Variants in FH observed in about 807,000 individuals in gnomAD.
FH encodes fumarate hydratase, also known as fumarate hydratase, mitochondrial.
In FH, 22 loss-of-function variants were observed where a neutral mutation model predicts 49.4. The ratio of observed to expected loss-of-function variants is 0.45; its 90% CI spans 0.32 to 0.64. FH has a LOEUF of 0.64. FH is among the 30% of genes least tolerant of loss of function. The pLI is 0.05. For synonymous variants in FH, 208 were observed against 223.0 expected, an observed-to-expected ratio of 0.93 and a Z score of 0.60; for missense variants, 526 against 641.5, an observed-to-expected ratio of 0.82 and a Z score of 1.95.
intron 2 of FH, among the ~76,000 whole-genome samples, 184 bp downstream of exon 2, chr1:241,516,998 T>C (rs948043952): frequency 6.6e-6 from 1 of 152,160 alleles, no homozygotes; most frequent in Non-Finnish European, 1.5e-5. Flanking sequence ...CTCAAAATAA[T>C]AGCATGCTAA....
chr1:241,507,183 AT>A (rs1004486427), intron 5 of FH, among the ~76,000 whole-genome samples: 3 of 152,154 alleles, frequency 2.0e-5, no homozygotes, highest in African/African-American at 7.2e-5. Flanking sequence ...ACATTTAGAT[AT>A]GTTTAGATAC....
rs370323811 is a variant in FH at position 241,519,232 on chromosome 1, G to T, written c.132+359C>A. The T allele has an allele frequency of 2.2e-4, 57 of 256,828 alleles. No homozygotes were observed. In the East Asian group the frequency reaches 6.9e-3, roughly 31 times the overall value. The allele number at this position is 256,828 out of a possible 1,614,324, so 15.9% of individuals were successfully genotyped here. A position where few individuals can be genotyped will look rare whatever the true frequency, so the allele number is the denominator to read the frequency against. ...CGCCCACGCCGGCACTGTCCTTGAG[G>T]GCAGCGCCCCGGGGCTGGGGGCCTG... is the stretch of plus-strand genomic sequence containing the variant. On this transcript the variant is annotated intron_variant, in intron 1 of 9. Transcript: ENST00000366560.
At chr1:241,503,007 T>G (rs1444527487) in intron 7 of FH, among the ~76,000 whole-genome samples, 1 of 152,188 alleles carries the variant, frequency 6.6e-6, no homozygotes, top group Admixed American at 6.5e-5. Flanking sequence ...ATGGGAGGCT[T>G]CCTAGGGGAA....
At chr1:241,504,697 C>A (rs1006313381) in intron 6 of FH, among the ~76,000 whole-genome samples, 14 of 152,050 alleles carry the variant, frequency 9.2e-5, no homozygotes, top group African/African-American at 3.1e-4. Context: ...CCACCTTGGT[C>A]TCCTGAAGTG....
intron 6 of FH, 27 bp downstream of exon 6, chr1:241,505,976 T>C (rs779717143): frequency 1.2e-6 from 2 of 1,607,560 alleles, no homozygotes; most frequent in Non-Finnish European, 8.5e-7. Context: ...GAAATGAAAA[T>C]GAGAAATAAT....
At chr1:241,498,035 G>A in intron 9 of FH, 65 bp from the exon 10 acceptor site, 1 of 1,539,788 alleles carries the variant, frequency 6.5e-7, no homozygotes, top group African/African-American at 1.4e-5. Flanking sequence ...AAAGCAAAAG[G>A]TGACATAATT....
At chr1:241,505,548 G>T (rs928643201) in intron 6 of FH, among the ~76,000 whole-genome samples, 1 of 151,980 alleles carries the variant, frequency 6.6e-6, no homozygotes, top group Non-Finnish European at 1.5e-5. Context: ...ATTATCTAAA[G>T]TATAATACTC....
intron 9 of FH, among the ~76,000 whole-genome samples, 156 bp from the exon 10 acceptor site, chr1:241,498,126 AATC>A (rs887741385): frequency 1.2e-4 from 18 of 152,178 alleles, no homozygotes; most frequent in African/African-American, 4.1e-4. Context: ...TTATCTCAAT[AATC>A]ATTTTTTATG....
chr1:241,500,665 G>A, intron 8 of FH, 75 bp from the exon 9 acceptor site: 1 of 1,571,880 alleles, frequency 6.4e-7, no homozygotes, highest in East Asian at 2.3e-5. Context: ...CATGTTTTTT[G>A]TCCAATAACA....
At chr1:241,502,318 A>C in intron 8 of FH, 125 bp downstream of exon 8, 1 of 1,031,160 alleles carries the variant, frequency 9.7e-7, no homozygotes, top group South Asian at 1.4e-5. Flanking sequence ...TAAATGCTTG[A>C]CTTCCAACTG....
intron 4 of FH, among the ~76,000 whole-genome samples, chr1:241,509,767 C>T (rs1289620822): frequency 6.9e-6 from 1 of 144,314 alleles, no homozygotes. Context: ...CAGAGTGAAG[C>T]ACAATCTCTA....
chr1:241,503,437 T>A (rs1292203984), intron 7 of FH, among the ~76,000 whole-genome samples: 1 of 152,222 alleles, frequency 6.6e-6, no homozygotes, highest in African/African-American at 2.4e-5. Context: ...CTATCCCAAC[T>A]TTGTTAACTG....
rs200965107 is a variant in FH, at chr1:241,506,142, T to C, written c.765A>G (p.Val255=). Residue 255 remains valine (V), a synonymous_variant, in exon 6 of 10, where the codon GTA becomes GTG. Coordinates refer to ENST00000366560, the MANE Select transcript of FH (RefSeq NM_000143.4). Reference sequence around the variant, plus strand: ...CTTTTATTCTTGTCATTGCATATTTTACTTGTTGAACATAACCACTAAATT... The same window carrying C: ...CTTTTATTCTTGTCATTGCATATTTCACTTGTTGAACATAACCACTAAATT... ...GQEFSGYVQQ[V]KYAMTRIKAA... is the part of the protein sequence containing the mutation. 7 of 1,613,878 alleles carry C rather than the reference T, an allele frequency of 4.3e-6. No individual in the cohort carries two copies. In the Middle Eastern group the frequency reaches 8.2e-4, roughly 190 times the overall value.
intron 2 of FH, among the ~76,000 whole-genome samples, chr1:241,514,373 C>A (rs138093801): frequency 6.6e-6 from 1 of 152,174 alleles, no homozygotes; most frequent in African/African-American, 2.4e-5. Context: ...TGACAGCTTC[C>A]GATATATATA....
At chr1:241,511,846 G>A (rs1660091645) in intron 4 of FH, 121 bp downstream of exon 4, 2 of 933,346 alleles carry the variant, frequency 2.1e-6, no homozygotes, top group Admixed American at 3.7e-5. Flanking sequence ...AGAACCATAA[G>A]AAGCCTTATC....
Position 241,508,645 on chromosome 1 carries a change from T to C in FH, c.696A>G (p.Gly232=). 6.2e-7 allele frequency: 1 copy of C among 1,613,954 alleles called. No homozygotes were observed. Among genetic ancestry groups the C allele is most frequent in the Non-Finnish European group, 8.5e-7 (1 of 1,179,870 alleles). ...SKEFAQIIKI[G]RTHTQDAVPL... ...GAACAGCATCCTGAGTATGAGTACG[T>C]CCAATCTTGATGATCTGTGCAAACT... The change falls in exon 5 of 10, where the codon GGA becomes GGG. Residue 232 remains glycine, a synonymous_variant. Transcript: ENST00000366560.
intron 9 of FH, among the ~76,000 whole-genome samples, chr1:241,499,044 A>C (rs530530765): frequency 3.9e-5 from 6 of 152,070 alleles, no homozygotes; most frequent in Non-Finnish European, 8.8e-5. Flanking sequence ...TGCTTTGAGA[A>C]AGAATTTGCA....
intron 9 of FH, 88 bp from the exon 10 acceptor site, chr1:241,498,058 T>C (rs1206423503): frequency 2.3e-6 from 3 of 1,319,176 alleles, no homozygotes; most frequent in East Asian, 2.3e-5. Flanking sequence ...TTACTTGATA[T>C]TGATGCTATA....
intron 1 of FH, among the ~76,000 whole-genome samples, chr1:241,518,353 C>A (rs143616101): frequency 1.2e-4 from 19 of 152,338 alleles, no homozygotes; most frequent in Admixed American, 2.0e-4. Flanking sequence ...GTTCTCCAGT[C>A]TGCTTCCCTT....
Sources: allele counts gnomAD v4.1 joint callset (sites outside exome capture counted in the v4.1 genomes callset), GRCh38; gene constraint gnomAD v4.1.1; transcripts MANE v1.5; gene names NCBI Gene and HGNC (gene_info 2026-07-23, HGNC 2026-07-21).